ERBB4: variants seen among roughly 807,000 people sequenced by gnomAD.
ERBB4 encodes the protein receptor tyrosine-protein kinase erbB-4.
Under a neutral mutation model 158.0 loss-of-function variants are expected in ERBB4, and 42 were observed. The observed-to-expected ratio is 0.27, with a 90% CI of 0.21 to 0.34. The LOEUF is 0.34. Among genes scored for constraint, ERBB4 ranks in the 10% least tolerant of loss-of-function variants. The probability of loss-of-function intolerance (pLI) is 1.00; values close to 1 mark genes in which losing one functional copy is unlikely to be tolerated. For missense variants in ERBB4, 1,333 were observed against 1,624.1 expected (o/e 0.82, Z 3.08); for synonymous variants, 583 against 558.7 (o/e 1.04, Z -0.61).
chr2:212,513,455 C>G (rs1167168027), intron 1 of ERBB4, among the ~76,000 whole-genome samples: 1 of 152,130 alleles, frequency 6.6e-6, no homozygotes, highest in Non-Finnish European at 1.5e-5. Context: ...GCCATCAGAA[C>G]AGCCCTGAGA....
At chr2:211,872,773 AT>A (rs2078385308) in intron 3 of ERBB4, among the ~76,000 whole-genome samples, 1 of 152,082 alleles carries the variant, frequency 6.6e-6, no homozygotes, top group South Asian at 2.1e-4. Context: ...GTAAAATTGT[AT>A]TGTTTTACTG....
In ERBB4 at chr2:211,721,443, C is replaced by CAAAAAAA. The variant is rs71054136; in HGVS notation, c.883+943_883+949dup. 7.9e-3 allele frequency among the ~76,000 whole-genome samples: 428 copies of CAAAAAAA among 54,198 alleles called. 25 individuals carry two copies. The highest frequency in any genetic ancestry group is 0.013 in the African/African-American group (140 of 10,528). 35.6% of individuals were successfully genotyped at this position (54,198 alleles called of 152,430 possible). ...GAAATGTCCCATTGGTTACTCAAAG[C>CAAAAAAA]AAAAAAAAAAAAAAAAAAAAAATAG... is the stretch of plus-strand genomic sequence containing the variant. On this transcript the variant is annotated intron_variant, in intron 7 of 27. Transcript: ENST00000342788.
At chr2:212,243,733 G>T (rs2084203408) in intron 1 of ERBB4, among the ~76,000 whole-genome samples, 1 of 151,902 alleles carries the variant, frequency 6.6e-6, no homozygotes, top group Non-Finnish European at 1.5e-5. Context: ...TAGAATTAGG[G>T]CAAAAATTAC....
intron 7 of ERBB4, among the ~76,000 whole-genome samples, chr2:211,715,777 T>G (rs1315453441): frequency 6.6e-6 from 1 of 152,150 alleles, no homozygotes; most frequent in East Asian, 1.9e-4. Flanking sequence ...CCAGAACCCC[T>G]CATGCTTCCT....
chr2:212,306,080 C>T (rs939174754), intron 1 of ERBB4, among the ~76,000 whole-genome samples: 6 of 151,484 alleles, frequency 4.0e-5, no homozygotes, highest in Non-Finnish European at 8.9e-5. Context: ...TACATATATA[C>T]TGATAAACAT....
chr2:212,494,076 T>C (rs1690429503), intron 1 of ERBB4, among the ~76,000 whole-genome samples: 1 of 151,914 alleles, frequency 6.6e-6, no homozygotes, highest in Admixed American at 6.6e-5. Flanking sequence ...ATATGTATAC[T>C]GGATACAAAT....
chr2:212,295,424 CAA>C, intron 1 of ERBB4, among the ~76,000 whole-genome samples: 1 of 152,106 alleles, frequency 6.6e-6, no homozygotes, highest in South Asian at 2.1e-4. Flanking sequence ...AACTTCAACT[CAA>C]AGAATTTTCA....
At chr2:211,769,324 C>T (rs1289569636) in intron 4 of ERBB4, among the ~76,000 whole-genome samples, 3 of 152,190 alleles carry the variant, frequency 2.0e-5, no homozygotes, top group Non-Finnish European at 4.4e-5. Context: ...AACTTTCCCA[C>T]ATCTTCCTAT....
chr2:212,317,764 C>A (rs777574702), intron 1 of ERBB4, among the ~76,000 whole-genome samples: 4 of 151,374 alleles, frequency 2.6e-5, no homozygotes, highest in South Asian at 4.1e-4. Context: ...AGTGGTAAGG[C>A]TAGGACTAGA....
intron 20 of ERBB4, among the ~76,000 whole-genome samples, chr2:211,442,564 C>T (rs1377924460): frequency 6.6e-6 from 1 of 151,794 alleles, no homozygotes; most frequent in Non-Finnish European, 1.5e-5. Flanking sequence ...AACAAATTAC[C>T]CAATGCTAAC....
chr2:212,434,518 G>C (rs894506948), intron 1 of ERBB4, among the ~76,000 whole-genome samples: 2 of 151,688 alleles, frequency 1.3e-5, no homozygotes, highest in Non-Finnish European at 2.9e-5. Context: ...AAGAGTAGGG[G>C]GAGTGTGGGG....
intron 4 of ERBB4, among the ~76,000 whole-genome samples, chr2:211,757,349 AC>A: frequency 6.6e-6 from 1 of 152,332 alleles, no homozygotes; most frequent in South Asian, 2.1e-4. Flanking sequence ...TAAAAATGAA[AC>A]TAAAAACATT....
intron 1 of ERBB4, among the ~76,000 whole-genome samples, chr2:212,358,485 T>C (rs1434982738): frequency 1.3e-5 from 2 of 151,778 alleles, no homozygotes; most frequent in East Asian, 1.9e-4. Context: ...ATTATAAATG[T>C]TCATATGGGA....
intron 17 of ERBB4, among the ~76,000 whole-genome samples, chr2:211,628,327 C>A (rs912533318): frequency 3.3e-5 from 5 of 152,194 alleles, no homozygotes; most frequent in Non-Finnish European, 7.4e-5. Context: ...ACTTGCCTCA[C>A]CCCACAACAG....
rs78886414 is a variant in ERBB4 at position 211,648,057 on chromosome 2, C to A, written c.1946+9697G>T. On this transcript the variant is annotated intron_variant, in intron 16 of 27. Coordinates refer to ENST00000342788, the MANE Select transcript of ERBB4 (RefSeq NM_005235.3). ...ATTTAATGTAATGAATTTAAATATG[C>A]TTGATGACCCAGACTCCTCCCTTGA... Among the ~76,000 whole-genome samples the A allele has an allele frequency of 5.2e-3, 787 of 151,930 alleles. 5 individuals carry two copies. The highest frequency in any genetic ancestry group is 8.0e-3 in the Non-Finnish European group (541 of 67,774).
rs542168261 is a variant in ERBB4, at chr2:211,381,432, C to T, written c.*2183G>A. The T allele has an allele frequency of 2.6e-5, 6 of 232,006 alleles. No individual in the cohort carries two copies. The highest frequency in any genetic ancestry group is 1.3e-4 in the African/African-American group (6 of 45,370). The allele number at this position is 232,006 out of a possible 1,614,324, so 14.4% of individuals were successfully genotyped here. A position where few individuals can be genotyped will look rare whatever the true frequency, so the allele number is the denominator to read the frequency against. The stretch of plus-strand genomic sequence containing the variant: ...CATCAACAATTTGAAGGATGTTTAA[C>T]TTATATCCCAAATGAGTTTAAAGGA... On this transcript the variant is annotated 3_prime_UTR_variant, in exon 28 of 28. Coordinates refer to ENST00000342788, the MANE Select transcript of ERBB4 (RefSeq NM_005235.3).
At chr2:211,990,801 T>C (rs2082055750) in intron 2 of ERBB4, among the ~76,000 whole-genome samples, 1 of 151,848 alleles carries the variant, frequency 6.6e-6, no homozygotes, top group South Asian at 2.1e-4. Flanking sequence ...AAGAAGTAAC[T>C]AATAAAAATG....
chr2:212,221,828 T>C (rs1036716515), intron 1 of ERBB4, among the ~76,000 whole-genome samples: 11 of 151,474 alleles, frequency 7.3e-5, no homozygotes, highest in African/African-American at 2.7e-4. Flanking sequence ...ACCAACACTA[T>C]AATTATACCT....
At chr2:211,747,979 A>G (rs975782995) in intron 5 of ERBB4, among the ~76,000 whole-genome samples, 1 of 151,956 alleles carries the variant, frequency 6.6e-6, no homozygotes, top group African/African-American at 2.4e-5. Context: ...TATACTTTAA[A>G]TCATCTCTAT....
Sources: allele counts gnomAD v4.1 joint callset (sites outside exome capture counted in the v4.1 genomes callset), GRCh38; gene constraint gnomAD v4.1.1; transcripts MANE v1.5; gene names NCBI Gene and HGNC (gene_info 2026-07-23, HGNC 2026-07-21).